The following ADGB variants were observed in gnomAD, a reference collection of about 807,000 sequenced individuals.
ADGB encodes androglobin.
Under a neutral mutation model 210.5 loss-of-function variants are expected in ADGB, and 172 were observed. The ratio of observed to expected loss-of-function variants is 0.82; its 90% confidence interval spans 0.72 to 0.93. ADGB has a LOEUF of 0.93. Ranked by LOEUF, ADGB falls within the 40% of genes least tolerant of loss-of-function variation. ADGB has a pLI of 0.00. For missense variants in ADGB, 2,025 were observed against 1,964.8 expected (o/e 1.03, Z -0.58); for synonymous variants, 658 against 662.7 (o/e 0.99, Z 0.11).
chr6:146,646,873 A>G (rs1442373323), intron 3 of ADGB, among the ~76,000 whole-genome samples: 1 of 151,892 alleles, frequency 6.6e-6, no homozygotes, highest in Non-Finnish European at 1.5e-5. Context: ...TGGATCATTT[A>G]AGGCCAGGAG....
intron 8 of ADGB, among the ~76,000 whole-genome samples, chr6:146,672,760 C>T (rs1432243591): frequency 4.9e-5 from 7 of 142,512 alleles, no homozygotes; most frequent in Non-Finnish European, 7.5e-5. Flanking sequence ...GATGTAGTTG[C>T]GCTCTTGTTG....
chr6:146,717,454 A>T, intron 15 of ADGB, 82 bp from the exon 16 acceptor site: 2 of 758,848 alleles, frequency 2.6e-6, no homozygotes, highest in Non-Finnish European at 4.1e-6. Context: ...TTCCTACAAT[A>T]ATTTGATTAT....
intron 8 of ADGB, among the ~76,000 whole-genome samples, chr6:146,673,162 A>G (rs1012358440): frequency 6.6e-6 from 1 of 152,250 alleles, no homozygotes; most frequent in African/African-American, 2.4e-5. Context: ...CATTAAGTAC[A>G]TCAAAGCATA....
At chr6:146,614,499 A>G (rs1305602320) in intron 1 of ADGB, among the ~76,000 whole-genome samples, 1 of 152,114 alleles carries the variant, frequency 6.6e-6, no homozygotes, top group African/African-American at 2.4e-5. Context: ...CCAGAATTTT[A>G]TATAAACGGA....
At chr6:146,699,767 A>G (rs1776462837) in intron 12 of ADGB, among the ~76,000 whole-genome samples, 1 of 152,144 alleles carries the variant, frequency 6.6e-6, no homozygotes, top group African/African-American at 2.4e-5. Flanking sequence ...TGTAAGAAAT[A>G]GAACTGCAGA....
intron 9 of ADGB, among the ~76,000 whole-genome samples, chr6:146,681,805 C>G (rs1408054800): frequency 2.6e-5 from 4 of 152,112 alleles, no homozygotes; most frequent in Admixed American, 2.6e-4. Flanking sequence ...TGGGCCGGAA[C>G]ACATTCGAGT....
chr6:146,708,029 T>C (rs1776601093), intron 13 of ADGB, among the ~76,000 whole-genome samples: 1 of 152,132 alleles, frequency 6.6e-6, no homozygotes, highest in Non-Finnish European at 1.5e-5. Context: ...TTACATCTTA[T>C]GGCTGTAACG....
intron 12 of ADGB, among the ~76,000 whole-genome samples, chr6:146,696,890 A>G (rs1776411977): frequency 6.6e-6 from 1 of 152,150 alleles, no homozygotes; most frequent in Admixed American, 6.6e-5. Flanking sequence ...TGATGGGAAA[A>G]TCTGTCTGTC....
chr6:146,643,400 C>T (rs1775547298), intron 2 of ADGB, among the ~76,000 whole-genome samples: 1 of 151,782 alleles, frequency 6.6e-6, no homozygotes, highest in Non-Finnish European at 1.5e-5. Context: ...TCAGGTGAAA[C>T]TTAGTCGCTC....
chr6:146,810,338 G>A lies in ADGB; in HGVS notation c.4819-4694G>A, dbSNP rs1375068803. 3.3e-5 allele frequency among the ~76,000 whole-genome samples: 5 copies of A among 152,252 alleles called. No homozygotes were observed. In the South Asian group the frequency reaches 1.0e-3, roughly 32 times the overall value. ...GGAGGGTGTGGAGAAAGGGAACCCT[G>A]TACACACTGTGGTGAGAATGTAAAT... On this transcript the variant is annotated intron_variant, in intron 35 of 35. Coordinates refer to ENST00000397944, the MANE Select transcript of ADGB (RefSeq NM_024694.4).
At chr6:146,768,397 C>A (rs1466690991) in intron 28 of ADGB, among the ~76,000 whole-genome samples, 1 of 151,744 alleles carries the variant, frequency 6.6e-6, no homozygotes, top group Non-Finnish European at 1.5e-5. Flanking sequence ...GTAAATGGAA[C>A]AATAAGAGAA....
At chr6:146,688,222 C>T (rs1428166316) in intron 10 of ADGB, among the ~76,000 whole-genome samples, 3 of 151,620 alleles carry the variant, frequency 2.0e-5, no homozygotes, top group Admixed American at 6.6e-5. Flanking sequence ...GTGCCTGCCA[C>T]GTAGTAGGTG....
intron 28 of ADGB, 91 bp from the exon 29 acceptor site, chr6:146,768,929 T>C: frequency 1.7e-6 from 1 of 588,774 alleles, no homozygotes; most frequent in Non-Finnish European, 2.9e-6. Flanking sequence ...TGGAAAATTC[T>C]GCATTTATCA....
At position 146,701,026 on chromosome 6, in the gene ADGB, C is replaced by T. The variant is rs189138829; in HGVS notation, c.1663C>T (p.His555Tyr). The change falls in exon 13 of 36, where the codon CAT becomes TAT. Residue 555 changes from histidine (H) to tyrosine (Y), a missense_variant. His to Tyr is a moderately conservative substitution (Grantham distance 83). Transcript: ENST00000397944. ...SVSETDETAT[H>Y]SQTDLSQITK... ...CAGTGAAACTGATGAAACTGCAACA[C>T]ATAGCCAGACAGACTTGAGTCAAAT... is the stretch of plus-strand genomic sequence containing the variant. 1,286 of 1,550,952 alleles carry T rather than the reference C, an allele frequency of 8.3e-4. 1 individual carries two copies. Among genetic ancestry groups the T allele is most frequent in the Non-Finnish European group, 1.1e-3 (1,221 of 1,146,454 alleles).
At chr6:146,726,260 T>C in intron 19 of ADGB, 63 bp downstream of exon 19, 1 of 1,196,022 alleles carries the variant, frequency 8.4e-7, no homozygotes, top group Non-Finnish European at 1.2e-6. Context: ...CTCGCACTGT[T>C]GCCAGGGCTG....
At chr6:146,680,811 G>C (rs1276150797) in intron 9 of ADGB, among the ~76,000 whole-genome samples, 1 of 152,090 alleles carries the variant, frequency 6.6e-6, no homozygotes, top group Non-Finnish European at 1.5e-5. Flanking sequence ...AAATTTCTGA[G>C]ATCACAGAAC....
chr6:146,599,720 G>A (rs1206742229), intron 1 of ADGB, among the ~76,000 whole-genome samples: 1 of 152,156 alleles, frequency 6.6e-6, no homozygotes, highest in African/African-American at 2.4e-5. Flanking sequence ...TCCTGGGCTG[G>A]TGTTAGGTGT....
chr6:146,689,848 G>C (rs545283979), intron 10 of ADGB, among the ~76,000 whole-genome samples: 1 of 152,080 alleles, frequency 6.6e-6, no homozygotes, highest in African/African-American at 2.4e-5. Flanking sequence ...AAAAGGTTTA[G>C]ATCTTAGAAC....
chr6:146,743,801 C>T (rs1777191379), intron 25 of ADGB, among the ~76,000 whole-genome samples: 1 of 152,142 alleles, frequency 6.6e-6, no homozygotes, highest in South Asian at 2.1e-4. Flanking sequence ...GTAGTCCCAG[C>T]TACTAGGGAG....
Sources: gnomAD v4.1 joint callset for allele counts (sites outside exome capture counted in the v4.1 genomes callset) on GRCh38, gnomAD v4.1.1 for gene constraint, MANE v1.5 for transcripts, NCBI Gene and HGNC (gene_info 2026-07-23, HGNC 2026-07-21) for gene names.